Variants in SRI observed in about 807,000 individuals in gnomAD.
SRI encodes sorcin.
Under a neutral mutation model 33.3 loss-of-function variants are expected in SRI, and 30 were observed. The observed-to-expected ratio is 0.90, with a 90% confidence interval of 0.67 to 1.22. The LOEUF (loss-of-function observed/expected upper bound fraction) is 1.22, where lower values mean the gene tolerates loss of function less well. SRI is among the 50% of genes most tolerant of loss of function. The pLI is 0.00. For missense variants in SRI, 243 were observed against 250.8 expected (o/e 0.97, Z 0.21); for synonymous variants, 75 against 89.9 (o/e 0.83, Z 0.94).
Position 88,206,446 on chromosome 7 carries a change from T to C in SRI, c.*32A>G. The C allele has an allele frequency of 6.2e-7, 1 of 1,613,614 alleles. No individual in the cohort carries two copies. Among genetic ancestry groups the C allele is most frequent in the Non-Finnish European group, 8.5e-7 (1 of 1,179,560 alleles). On this transcript the variant is annotated 3_prime_UTR_variant, in exon 8 of 8. Coordinates refer to ENST00000265729, the MANE Select transcript of SRI (RefSeq NM_003130.4). ...AAGCAAAGGAGAGCTCCAGTTGGAA[T>C]GTTGATTACATTCATGCAGCTTCCT...
chr7:88,226,806 G>T, intron 1 of SRI: 1 of 1,266,686 alleles, frequency 7.9e-7, no homozygotes, highest in Non-Finnish European at 1.1e-6. Context: ...CCATGGATCA[G>T]TAGAACTACA....
At chr7:88,226,621 A>G (rs146550616) in intron 1 of SRI, among the ~76,000 whole-genome samples, 111 of 152,346 alleles carry the variant, frequency 7.3e-4, no homozygotes, top group African/African-American at 2.6e-3. Context: ...CCAAAATTCC[A>G]TGAAGCATAT....
At chr7:88,219,082 T>A (rs1163692323) in intron 1 of SRI, 140 bp from the exon 2 acceptor site, 4 of 711,034 alleles carry the variant, frequency 5.6e-6, no homozygotes, top group South Asian at 4.5e-5. Flanking sequence ...CCGGGCACAC[T>A]CTGCCAACAC....
upstream of SRI, among the ~76,000 whole-genome samples, chr7:88,222,817 A>G (rs1267627372): frequency 6.6e-6 from 1 of 152,172 alleles, no homozygotes; most frequent in Non-Finnish European, 1.5e-5. Context: ...CTAAAACTGG[A>G]TCCCTTCCTT....
chr7:88,209,957 G>A lies in SRI; in HGVS notation c.397+26C>T, dbSNP rs201435105. 1.2e-4 allele frequency: 187 copies of A among 1,613,904 alleles called. 10 individuals carry two copies. In the South Asian group the frequency reaches 1.9e-3, roughly 17 times the overall value. ...AATCAACTTACTTCTACCAATGAAT[G>A]GAGAGTTCTAGTAAGCCATACCTAC... On this transcript the variant is annotated intron_variant, in intron 5 of 7. Transcript: ENST00000265729.
At chr7:88,214,971 A>C in intron 3 of SRI, 1 of 522,886 alleles carries the variant, frequency 1.9e-6, no homozygotes, top group Non-Finnish European at 3.5e-6. Flanking sequence ...CTGAATTACA[A>C]TCTTACTGAC....
chr7:88,220,151 G>T (rs759802257), upstream of SRI: 4 of 1,341,396 alleles, frequency 3.0e-6, no homozygotes, highest in Non-Finnish European at 3.8e-6. Context: ...GACGCGCTCC[G>T]CAGTCGTCTC....
intron 2 of SRI, 126 bp downstream of exon 2, chr7:88,218,733 T>G (rs1469422587): frequency 9.9e-6 from 8 of 809,912 alleles, no homozygotes; most frequent in African/African-American, 1.7e-5. Flanking sequence ...GAAACAACTT[T>G]TTTTTTCTTT....
At chr7:88,217,233 C>T in intron 2 of SRI, 42 bp from the exon 3 acceptor site, 1 of 1,528,628 alleles carries the variant, frequency 6.5e-7, no homozygotes, top group Non-Finnish European at 9.1e-7. Context: ...GTGATTTGTA[C>T]TTTCAAGTTG....
intron 1 of SRI, 108 bp downstream of exon 1, chr7:88,219,868 C>T (rs940475044): frequency 7.3e-7 from 1 of 1,369,306 alleles, no homozygotes; most frequent in Non-Finnish European, 9.9e-7. Flanking sequence ...GGAAGGAGCC[C>T]GGGTAGCCGC....
In SRI at chr7:88,206,200, T is replaced by G. The variant is rs1331792245; in HGVS notation, c.*278A>C. On this transcript the variant is annotated 3_prime_UTR_variant, in exon 8 of 8. Transcript: ENST00000265729. ...AATGTGACTTAAACATTTTGCATAC[T>G]TAAATTTACATAGAGTTTTAGCAAG... 2.0e-6 allele frequency: 1 copy of G among 489,870 alleles called. No individual in the cohort carries two copies. Among genetic ancestry groups the G allele is most frequent in the African/African-American group, 1.9e-5 (1 of 51,730 alleles). 30.3% of individuals were successfully genotyped at this position (489,870 alleles called of 1,614,324 possible).
upstream of SRI, among the ~76,000 whole-genome samples, chr7:88,224,666 T>C (rs1851959306): frequency 6.6e-6 from 1 of 151,396 alleles, no homozygotes; most frequent in African/African-American, 2.4e-5. Context: ...CCACCCTTTT[T>C]CTTGAACTGT....
At chr7:88,206,584 T>G (rs1851443328) in intron 7 of SRI, 80 bp from the exon 8 acceptor site, 5 of 1,555,468 alleles carry the variant, frequency 3.2e-6, no homozygotes, top group Non-Finnish European at 2.7e-6. Flanking sequence ...TTACATTTGG[T>G]TTTCTAATTT....
At chr7:88,221,846 AC>A (rs2115822753), upstream of SRI, among the ~76,000 whole-genome samples, 1 of 91,208 alleles carries the variant, frequency 1.1e-5, no homozygotes, top group African/African-American at 4.3e-5. Flanking sequence ...CCCTCCCCCC[AC>A]CCCACCACAG....
At chr7:88,213,777 G>A (rs747818560) in intron 3 of SRI, among the ~76,000 whole-genome samples, 2 of 152,112 alleles carry the variant, frequency 1.3e-5, no homozygotes, top group African/African-American at 2.4e-5. Flanking sequence ...CTCTTAGATC[G>A]TCTAAGAAGG....
At chr7:88,216,063 C>T (rs62486430) in intron 3 of SRI, among the ~76,000 whole-genome samples, 13,948 of 152,166 alleles carry the variant, frequency 0.092, 916 homozygotes, top group Non-Finnish European at 0.14. Flanking sequence ...CTGCAACCTC[C>T]GCCTCCTGGG....
chr7:88,214,813 CTTCTG>C, intron 3 of SRI: 2 of 1,139,572 alleles, frequency 1.8e-6, no homozygotes, highest in Non-Finnish European at 2.2e-6. Context: ...TTTTTCTTCT[CTTCTG>C]TTCATTCTAC....
chr7:88,218,714 CTAAAA>C (rs2115801101), intron 2 of SRI, 140 bp downstream of exon 2: 1 of 699,972 alleles, frequency 1.4e-6, no homozygotes, highest in Non-Finnish European at 2.4e-6. Flanking sequence ...AAATAAAAAA[CTAAAA>C]TAAGAAACAA....
At chr7:88,219,007 G>A in intron 1 of SRI, 65 bp from the exon 2 acceptor site, 1 of 1,473,784 alleles carries the variant, frequency 6.8e-7, no homozygotes, top group South Asian at 1.1e-5. Context: ...CACCACTGAG[G>A]GCTTTTGTGC....
Sources: gnomAD v4.1 joint callset for allele counts (sites outside exome capture counted in the v4.1 genomes callset) on GRCh38, gnomAD v4.1.1 for gene constraint, MANE v1.5 for transcripts, NCBI Gene and HGNC (gene_info 2026-07-23, HGNC 2026-07-21) for gene names.